The following EPC2 variants were observed in gnomAD, a reference collection of about 807,000 sequenced individuals.
The protein encoded by EPC2 is enhancer of polycomb 2.
EPC2 carries 14 observed loss-of-function variants against 92.1 expected under a neutral mutation model. That is an observed-to-expected ratio of 0.15 (90% CI 0.10 to 0.24). The LOEUF is 0.24. EPC2 is among the 10% of genes least tolerant of loss of function. The pLI is 1.00. For missense variants in EPC2, 755 were observed against 971.5 expected, an observed-to-expected ratio of 0.78 and a Z score of 2.96; for synonymous variants, 340 against 334.7, an observed-to-expected ratio of 1.02 and a Z score of -0.17.
intron 2 of EPC2, among the ~76,000 whole-genome samples, chr2:148,695,016 G>A (rs1229694213): frequency 6.6e-6 from 1 of 152,192 alleles, no homozygotes; most frequent in Non-Finnish European, 1.5e-5. Context: ...CATGATCCGT[G>A]ATCTGCCCAC....
chr2:148,784,659 C>G lies in EPC2; in HGVS notation c.2018-9C>G. On this transcript the variant is annotated splice_polypyrimidine_tract_variant and intron_variant, in intron 12 of 13. Transcript: ENST00000258484. The stretch of plus-strand genomic sequence containing the variant: ...ATGATACTAGTTGAATGACTTCTTT[C>G]TTTTTCAGGAACCTCTAAAACATTA... 6.4e-7 allele frequency: 1 copy of G among 1,563,200 alleles called. No individual in the cohort carries two copies. The highest frequency in any genetic ancestry group is 1.4e-5 in the African/African-American group (1 of 73,210).
intron 1 of EPC2, among the ~76,000 whole-genome samples, chr2:148,653,986 C>G (rs1487451237): frequency 7.4e-6 from 1 of 136,038 alleles, no homozygotes; most frequent in African/African-American, 2.8e-5. Context: ...CTTGCTCTGT[C>G]ACCCAGGCTG....
At chr2:148,655,557 G>C (rs1183215059) in intron 1 of EPC2, among the ~76,000 whole-genome samples, 1 of 152,192 alleles carries the variant, frequency 6.6e-6, no homozygotes, top group African/African-American at 2.4e-5. Flanking sequence ...TAGGATTTCT[G>C]TTGGTATTGC....
At chr2:148,717,635 C>T (rs981523611) in intron 2 of EPC2, among the ~76,000 whole-genome samples, 1 of 152,042 alleles carries the variant, frequency 6.6e-6, no homozygotes, top group Non-Finnish European at 1.5e-5. Context: ...AGTTCTTTTG[C>T]ATTTGCTGAG....
At position 148,662,059 on chromosome 2, in the gene EPC2, T is replaced by C. The variant is rs184889026; in HGVS notation, c.153+16889T>C. Among the ~76,000 whole-genome samples, 783 of 152,194 alleles carry C rather than the reference T, an allele frequency of 5.1e-3. 10 individuals are homozygous for C. The highest frequency in any genetic ancestry group is 0.018 in the African/African-American group (748 of 41,510). On this transcript the variant is annotated intron_variant, in intron 1 of 13. Transcript: ENST00000258484. ...GACATTTATGCAGCCAAAAAACACATGAAAAAATGCTCATCATCACTGGCC... is the reference window on the plus strand; with the variant it reads ...GACATTTATGCAGCCAAAAAACACACGAAAAAATGCTCATCATCACTGGCC...
rs1683274231 is a variant in EPC2 at position 148,760,134 on chromosome 2, TGAGGCTGAGGGAGGAGG to T, written c.667-1637_667-1621del. Among the ~76,000 whole-genome samples, 3 of 151,988 alleles carry T rather than the reference TGAGGCTGAGGGAGGAGG, an allele frequency of 2.0e-5. No homozygotes were observed. The South Asian group carries it at 6.2e-4, about 31-fold the overall frequency. On this transcript the variant is annotated intron_variant, in intron 4 of 13. Coordinates refer to ENST00000258484, the MANE Select transcript of EPC2 (RefSeq NM_015630.4). ...GGTGGATTCGTGTAATCCCAGCTAC[TGAGGCTGAGGGAGGAGG>T]GAGGCTGAGGCAGGAGAATCGCTTG...
chr2:148,699,140 T>A (rs1490212391), intron 2 of EPC2, among the ~76,000 whole-genome samples: 2 of 152,112 alleles, frequency 1.3e-5, no homozygotes, highest in Non-Finnish European at 2.9e-5. Flanking sequence ...CAAGGAAAAA[T>A]AAGATTTTAG....
At chr2:148,762,423 T>G (rs1458306225) in intron 5 of EPC2, among the ~76,000 whole-genome samples, 1 of 151,944 alleles carries the variant, frequency 6.6e-6, no homozygotes, top group African/African-American at 2.4e-5. Flanking sequence ...CATTTCCTAG[T>G]GCTTGATTAT....
chr2:148,717,082 A>G (rs1288349125), intron 2 of EPC2, among the ~76,000 whole-genome samples: 1 of 151,622 alleles, frequency 6.6e-6, no homozygotes, highest in Non-Finnish European at 1.5e-5. Flanking sequence ...CAGTGGTGAT[A>G]TCCCCCTTAT....
rs187509962 is a variant in EPC2, at chr2:148,669,235, G to C, written c.154-20979G>C. The stretch of plus-strand genomic sequence containing the variant: ...CTTACTAGTAGTTTCTTCTGGTTTT[G>C]TTCCCCTCTCCCTCTTTTTCTGCCA... On this transcript the variant is annotated intron_variant, in intron 1 of 13. Coordinates refer to ENST00000258484, the MANE Select transcript of EPC2 (RefSeq NM_015630.4). 1.1e-3 allele frequency among the ~76,000 whole-genome samples: 163 copies of C among 152,192 alleles called. 1 individual carries two copies. The highest frequency in any genetic ancestry group is 3.8e-3 in the African/African-American group (156 of 41,530).
At chr2:148,657,769 G>C (rs760484005) in intron 1 of EPC2, among the ~76,000 whole-genome samples, 35 of 152,086 alleles carry the variant, frequency 2.3e-4, no homozygotes, top group Admixed American at 5.2e-4. Context: ...AGGGATTGGC[G>C]TGTGTGCCCA....
chr2:148,690,278 T>A lies in EPC2; in HGVS notation c.218T>A (p.Val73Asp), dbSNP rs1366331282. The A allele has an allele frequency of 6.2e-7, 1 of 1,612,544 alleles. No individual in the cohort carries two copies. The highest frequency in any genetic ancestry group is 8.5e-7 in the Non-Finnish European group (1 of 1,179,546). ...QVFREKKESM[V>D]IPVPEAESNV... is the part of the protein sequence containing the mutation. Reference sequence around the variant, plus strand: ...TTTAGAGAAAAAAAAGAGAGTATGGTCATTCCTGTTCCTGAGGCAGAGAGC... The same window carrying A: ...TTTAGAGAAAAAAAAGAGAGTATGGACATTCCTGTTCCTGAGGCAGAGAGC... Residue 73 changes from valine to aspartate, a missense_variant, in exon 2 of 14, where the codon GTC becomes GAC. By Grantham distance (152) the Val-to-Asp change is radical. Transcript: ENST00000258484.
At chr2:148,712,020 C>G (rs1682154070) in intron 2 of EPC2, among the ~76,000 whole-genome samples, 1 of 152,088 alleles carries the variant, frequency 6.6e-6, no homozygotes, top group Non-Finnish European at 1.5e-5. Context: ...TTGTTCCACT[C>G]TGATGATCTC....
chr2:148,709,655 C>T (rs1682088613), intron 2 of EPC2, among the ~76,000 whole-genome samples: 1 of 152,098 alleles, frequency 6.6e-6, no homozygotes, highest in Non-Finnish European at 1.5e-5. Flanking sequence ...GAGATATAAA[C>T]CAACAGAACA....
chr2:148,647,619 CTTTTTTTTT>C (rs55731814), intron 1 of EPC2, among the ~76,000 whole-genome samples: 7 of 63,744 alleles, frequency 1.1e-4, no homozygotes, highest in South Asian at 1.4e-3. Context: ...GCCTTGCAGA[CTTTTTTTTT>C]TTTTTTTTTT....
intron 2 of EPC2, among the ~76,000 whole-genome samples, chr2:148,719,505 G>A (rs1682325344): frequency 6.6e-6 from 1 of 152,152 alleles, no homozygotes; most frequent in Non-Finnish European, 1.5e-5. Flanking sequence ...GCAGTTTGCT[G>A]GAGGTCCGCT....
Position 148,645,216 on chromosome 2 carries a change from C to T in EPC2, c.153+46C>T, listed in dbSNP as rs1005680431. 4.1e-6 allele frequency: 6 copies of T among 1,474,480 alleles called. No individual in the cohort carries two copies. The African/African-American group carries it at 7.0e-5, about 17-fold the overall frequency. 91.3% of individuals were successfully genotyped at this position (1,474,480 alleles called of 1,614,324 possible). On this transcript the variant is annotated intron_variant, in intron 1 of 13. Coordinates refer to ENST00000258484, the MANE Select transcript of EPC2 (RefSeq NM_015630.4). The stretch of plus-strand genomic sequence containing the variant: ...TACCCCCCCTTCCCTCCTCCCCCCT[C>T]CCCTTTGTCAGTCGGGCCTCGCCAT...
At chr2:148,713,941 C>T (rs1293615065) in intron 2 of EPC2, among the ~76,000 whole-genome samples, 1 of 152,128 alleles carries the variant, frequency 6.6e-6, no homozygotes, top group African/African-American at 2.4e-5. Flanking sequence ...GCAGGATGTG[C>T]AGGTTTCTTG....
rs60115354 is a variant in EPC2 at position 148,715,025 on chromosome 2, G to GTTTT, written c.313+24674_313+24677dup. On this transcript the variant is annotated intron_variant, in intron 2 of 13. Transcript: ENST00000258484. ...GGTATCGCCTAGATTTTCTTCTAGG[G>GTTTT]TTTTTTTTTTTTTTTTTTTTTTTTT... 3.8e-4 allele frequency among the ~76,000 whole-genome samples: 33 copies of GTTTT among 86,888 alleles called. 1 individual carries two copies. Among genetic ancestry groups the GTTTT allele is most frequent in the African/African-American group, 1.6e-3 (30 of 19,036 alleles). 57.0% of individuals were successfully genotyped at this position (86,888 alleles called of 152,430 possible).
Sources: allele counts gnomAD v4.1 joint callset (sites outside exome capture counted in the v4.1 genomes callset), GRCh38; gene constraint gnomAD v4.1.1; transcripts MANE v1.5; gene names NCBI Gene and HGNC (gene_info 2026-07-23, HGNC 2026-07-21).